NUP88: variants seen among roughly 807,000 people sequenced by gnomAD.
NUP88 encodes nucleoporin 88.
NUP88 carries 57 observed loss-of-function variants against 93.9 expected under a neutral mutation model. The observed-to-expected ratio is 0.61, with a 90% CI of 0.49 to 0.76. The LOEUF (loss-of-function observed/expected upper bound fraction) is 0.76, where lower values mean the gene tolerates loss of function less well. Among genes scored for constraint, NUP88 ranks in the 30% least tolerant of loss-of-function variants. The probability of loss-of-function intolerance (pLI) is 0.00; values close to 1 mark genes in which losing one functional copy is unlikely to be tolerated. For missense variants in NUP88, 911 were observed against 901.0 expected (o/e 1.01, Z -0.14); for synonymous variants, 346 against 336.8 (o/e 1.03, Z -0.30).
chr17:5,401,553 C>T (rs1913169146), intron 7 of NUP88, among the ~76,000 whole-genome samples: 1 of 152,072 alleles, frequency 6.6e-6, no homozygotes, highest in Non-Finnish European at 1.5e-5. Flanking sequence ...AATTAATATT[C>T]TAAAGCTGAT....
At chr17:5,408,625 G>T in intron 5 of NUP88, 108 bp downstream of exon 5, 1 of 796,500 alleles carries the variant, frequency 1.3e-6, no homozygotes, top group Non-Finnish European at 2.0e-6. Context: ...TGTGAAGGCT[G>T]CAACATTTCC....
At position 5,408,828 on chromosome 17, in the gene NUP88, A is replaced by G. The variant is rs1913651608; in HGVS notation, c.762T>C (p.Phe254=). ...CTACTTCATCTTTGCCGTTTTGTCCAAATAGAGTCTTTGGGACTGCTGCCA... is the reference window on the plus strand; with the variant it reads ...CTACTTCATCTTTGCCGTTTTGTCCGAATAGAGTCTTTGGGACTGCTGCCA... The part of the protein sequence containing the change: ...GPLAAVPKTL[F]GQNGKDEVVA... The change falls in exon 5 of 17, where the codon TTT becomes TTC. Residue 254 remains phenylalanine, a synonymous_variant. Transcript: ENST00000573584. 6.2e-7 allele frequency: 1 copy of G among 1,613,990 alleles called. No individual in the cohort carries two copies. The highest frequency in any genetic ancestry group is 1.3e-5 in the African/African-American group (1 of 74,940).
At chr17:5,398,498 A>G (rs536173463) in intron 8 of NUP88, among the ~76,000 whole-genome samples, 64 of 151,678 alleles carry the variant, frequency 4.2e-4, no homozygotes, top group African/African-American at 1.5e-3. Flanking sequence ...CATGTTGACT[A>G]GACTGTTCGC....
intron 2 of NUP88, among the ~76,000 whole-genome samples, chr17:5,415,541 T>G (rs181263273): frequency 6.6e-6 from 1 of 152,210 alleles, no homozygotes; most frequent in East Asian, 1.9e-4. Context: ...AACTTATAAG[T>G]TGCGGAGCTA....
In NUP88 at chr17:5,405,062, G is replaced by A. The variant is rs777986025; in HGVS notation, c.1039C>T (p.His347Tyr). The change falls in exon 6 of 17, where the codon CAC becomes TAC. Residue 347 changes from histidine to tyrosine, a missense_variant. Coordinates refer to ENST00000573584, the MANE Select transcript of NUP88 (RefSeq NM_002532.6). ...VVLEGEEEDD[H>Y]TSEKSWDSRI... ...CCACAGCAGCCTGCACTTACCGTGTGGTCATCTTCTTCTTCCCCTTCTAGC... is the reference window on the plus strand; with the variant it reads ...CCACAGCAGCCTGCACTTACCGTGTAGTCATCTTCTTCTTCCCCTTCTAGC... 50 of 1,613,436 alleles carry A rather than the reference G, an allele frequency of 3.1e-5. No homozygotes were observed. The highest frequency in any genetic ancestry group is 2.5e-4 in the South Asian group (23 of 90,970).
intron 14 of NUP88, 81 bp from the exon 15 acceptor site, chr17:5,387,191 A>G: frequency 1.3e-6 from 2 of 1,512,980 alleles, no homozygotes; most frequent in Non-Finnish European, 1.8e-6. Context: ...ATAATTCATG[A>G]ATCTGGTGTT....
intron 1 of NUP88, among the ~76,000 whole-genome samples, chr17:5,418,892 G>A (rs2151652031): frequency 6.6e-6 from 1 of 152,238 alleles, no homozygotes; most frequent in East Asian, 1.9e-4. Context: ...TTCTAAAGCG[G>A]GCGTTACGGG....
chr17:5,395,013 A>G (rs758178530), intron 8 of NUP88, 32 bp from the exon 9 acceptor site: 1 of 1,288,886 alleles, frequency 7.8e-7, no homozygotes, highest in Non-Finnish European at 1.1e-6. Context: ...AAATGAAATG[A>G]TGCTTAGACA....
In NUP88 at chr17:5,416,679, A is replaced by G. The variant is rs774752710; in HGVS notation, c.301T>C (p.Leu101=). The change falls in exon 2 of 17, where the codon TTG becomes CTG. Residue 101 remains leucine (L), a synonymous_variant. Transcript: ENST00000573584. ...EEPALSQYQR[L]LCINPPLFEI... The stretch of plus-strand genomic sequence containing the variant: ...AACAGGGGTGGATTTATGCAAAGCA[A>G]TCTCTGAAAATTAGAGCAAACCAGT... 6.2e-7 allele frequency: 1 copy of G among 1,602,848 alleles called. No homozygotes were observed. Among genetic ancestry groups the G allele is most frequent in the Non-Finnish European group, 8.5e-7 (1 of 1,177,294 alleles).
At chr17:5,394,228 T>C (rs935446555) in intron 9 of NUP88, among the ~76,000 whole-genome samples, 3 of 152,200 alleles carry the variant, frequency 2.0e-5, no homozygotes, top group South Asian at 4.2e-4. Flanking sequence ...CTAGAAAGAA[T>C]AGAGAAGACC....
intron 7 of NUP88, 40 bp from the exon 8 acceptor site, chr17:5,399,690 G>A: frequency 8.9e-7 from 1 of 1,124,632 alleles, no homozygotes; most frequent in South Asian, 1.5e-5. Context: ...GTAGCCAGTG[G>A]ATAACTAAAA....
intron 3 of NUP88, among the ~76,000 whole-genome samples, chr17:5,412,111 C>A (rs772488434): frequency 4.6e-5 from 7 of 152,208 alleles, no homozygotes; most frequent in South Asian, 4.1e-4. Context: ...TAAAAAAGAA[C>A]CTTCAATATT....
chr17:5,402,325 A>C (rs997889754), intron 7 of NUP88, among the ~76,000 whole-genome samples: 2 of 152,150 alleles, frequency 1.3e-5, no homozygotes, highest in Non-Finnish European at 2.9e-5. Flanking sequence ...AAAACAAAAA[A>C]CAAAATACAA....
At chr17:5,401,109 T>C (rs1913134069) in intron 7 of NUP88, among the ~76,000 whole-genome samples, 1 of 152,000 alleles carries the variant, frequency 6.6e-6, no homozygotes, top group Admixed American at 6.6e-5. Context: ...ATTGGCCGGG[T>C]GTGGTGGCTC....
intron 14 of NUP88, 107 bp from the exon 15 acceptor site, chr17:5,387,217 A>G: frequency 7.2e-7 from 1 of 1,379,368 alleles, no homozygotes; most frequent in Non-Finnish European, 1.0e-6. Context: ...AGTAGGCCCC[A>G]TAGGAAGGGT....
Position 5,405,047 on chromosome 17 carries a change from C to T in NUP88, c.1044+10G>A. On this transcript the variant is annotated intron_variant, in intron 6 of 16. Transcript: ENST00000573584. ...TGAAGATACAAACAACCACAGCAGC[C>T]TGCACTTACCGTGTGGTCATCTTCT... The T allele has an allele frequency of 6.2e-7, 1 of 1,612,314 alleles. No individual in the cohort carries two copies. Among genetic ancestry groups the T allele is most frequent in the Non-Finnish European group, 8.5e-7 (1 of 1,178,994 alleles).
intron 10 of NUP88, among the ~76,000 whole-genome samples, chr17:5,390,415 T>C (rs190274000): frequency 1.3e-5 from 2 of 152,296 alleles, no homozygotes; most frequent in African/African-American, 4.8e-5. Flanking sequence ...TACATCCAGA[T>C]AGTACAACTT....
rs1364011448 is a variant in NUP88 at position 5,386,791 on chromosome 17, C to T, written c.2079G>A (p.Met693Ile). 1 of 1,613,886 alleles carries T rather than the reference C, an allele frequency of 6.2e-7. No homozygotes were observed. The highest frequency in any genetic ancestry group is 1.7e-5 in the Admixed American group (1 of 60,026). Residue 693 changes from methionine (M) to isoleucine (I), a missense_variant, in exon 16 of 17, where the codon ATG (methionine) becomes ATA (isoleucine). Physicochemically the swap from Met to Ile is conservative, Grantham distance 10 (BLOSUM62 1). Transcript: ENST00000573584. ...TMKKDYQQQK[M>I]EKVLSLPKPT... The stretch of plus-strand genomic sequence containing the variant: ...GTTTTGGAAGACTCAACACCTTCTC[C>T]ATCTTTTGCTGTTGATAATCCTTTT...
intron 16 of NUP88, 21 bp downstream of exon 16, chr17:5,386,687 T>C: frequency 1.4e-6 from 2 of 1,419,804 alleles, no homozygotes; most frequent in South Asian, 1.2e-5. Context: ...CGATAATAGC[T>C]GATTGGAAGT....
Sources: gnomAD v4.1 joint callset for allele counts (sites outside exome capture counted in the v4.1 genomes callset) on GRCh38, gnomAD v4.1.1 for gene constraint, MANE v1.5 for transcripts, NCBI Gene and HGNC (gene_info 2026-07-23, HGNC 2026-07-21) for gene names.